Variants in BRD1 observed in about 807,000 individuals in gnomAD.
The protein encoded by BRD1 is bromodomain containing 1.
A neutral mutation model predicts 107.7 loss-of-function variants in BRD1; 24 were observed. The ratio of observed to expected loss-of-function variants is 0.22; its 90% confidence interval spans 0.16 to 0.31. The LOEUF (loss-of-function observed/expected upper bound fraction) is 0.31, where lower values mean the gene tolerates loss of function less well. BRD1 is among the 10% of genes least tolerant of loss of function. The pLI is 1.00. For synonymous variants in BRD1, 744 were observed against 686.1 expected (o/e 1.08, Z -1.32); for missense variants, 1,279 against 1,638.6 (o/e 0.78, Z 3.79).
At chr22:49,775,565 C>T in intron 12 of BRD1, 26 bp downstream of exon 12, 1 of 1,466,020 alleles carries the variant, frequency 6.8e-7, no homozygotes, top group Non-Finnish European at 9.1e-7. Context: ...CAGCCGGTCC[C>T]CGGAGTCTAA....
At position 49,822,944 on chromosome 22, in the gene BRD1, C is replaced by T. The variant is rs1042552449; in HGVS notation, c.1367+7G>A. The stretch of plus-strand genomic sequence containing the variant: ...TCCTTGTGGACTCAATGCTTGGACA[C>T]GCTTACCTCTGCGGGGGAATATAAG... On this transcript the variant is annotated splice_region_variant and intron_variant, in intron 2 of 12. Coordinates refer to ENST00000404760, the MANE Select transcript of BRD1 (RefSeq NM_001304808.3). The T allele has an allele frequency of 1.2e-5, 19 of 1,612,824 alleles. No homozygotes were observed. Among genetic ancestry groups the T allele is most frequent in the African/African-American group, 2.7e-5 (2 of 74,810 alleles).
chr22:49,776,649 C>G (rs2059105073), intron 10 of BRD1, among the ~76,000 whole-genome samples: 1 of 152,342 alleles, frequency 6.6e-6, no homozygotes, highest in South Asian at 2.1e-4. Context: ...GACCCCAAAC[C>G]CTGGGGCCTC....
chr22:49,808,493 T>TAGA (rs1341374961), intron 2 of BRD1, among the ~76,000 whole-genome samples: 2 of 151,692 alleles, frequency 1.3e-5, no homozygotes, highest in East Asian at 3.9e-4. Flanking sequence ...AGACAGGGAG[T>TAGA]AGAACGGTGA....
intron 2 of BRD1, among the ~76,000 whole-genome samples, chr22:49,813,869 C>T (rs1263769784): frequency 6.6e-6 from 1 of 151,286 alleles, no homozygotes; most frequent in Non-Finnish European, 1.5e-5. Flanking sequence ...AGAGGAAATA[C>T]AGGGAGCAGC....
intron 7 of BRD1, among the ~76,000 whole-genome samples, chr22:49,791,869 A>G (rs1159937123): frequency 1.3e-5 from 2 of 152,158 alleles, no homozygotes; most frequent in African/African-American, 4.8e-5. Flanking sequence ...CAATTGAGTC[A>G]TTGTGAACAT....
rs964823149 is a variant in BRD1 at position 49,783,697 on chromosome 22, C to A, written c.2857+3693G>T. Among the ~76,000 whole-genome samples the A allele has an allele frequency of 2.2e-5, 3 of 134,944 alleles. No homozygotes were observed. The highest frequency in any genetic ancestry group is 8.2e-5 in the African/African-American group (3 of 36,654). 88.5% of individuals were successfully genotyped at this position (134,944 alleles called of 152,430 possible). ...CATCCCGCCAGCTCCAGGCGTGCACCGGGCGCCAGCACCATTCCCACTGCC... is the reference window on the plus strand; with the variant it reads ...CATCCCGCCAGCTCCAGGCGTGCACAGGGCGCCAGCACCATTCCCACTGCC... On this transcript the variant is annotated intron_variant, in intron 8 of 12. Transcript: ENST00000404760. The surrounding 1 kb of genome is among the most constrained non-coding windows in gnomAD (Gnocchi z 4.2).
chr22:49,798,701 C>T lies in BRD1; in HGVS notation c.1657-15G>A. 6.3e-7 allele frequency: 1 copy of T among 1,583,364 alleles called. No individual in the cohort carries two copies. Among genetic ancestry groups the T allele is most frequent in the Admixed American group, 1.8e-5 (1 of 56,374 alleles). ...TCCACCTTCACCTGGGGGGGCCCAG[C>T]AGAGCCTCAGCTTTAGGGAGCCGCA... is the stretch of plus-strand genomic sequence containing the variant. On this transcript the variant is annotated splice_polypyrimidine_tract_variant and intron_variant, in intron 4 of 12. Coordinates refer to ENST00000404760, the MANE Select transcript of BRD1 (RefSeq NM_001304808.3).
rs1409686323 is a variant in BRD1, at chr22:49,773,958, TAAGA to T, written c.*271_*274del. ...AAATTATTAAACATTCAAAAGTCTT[TAAGA>T]AAAAGCTACATATCAAAGAAAGTGA... is the stretch of plus-strand genomic sequence containing the variant. On this transcript the variant is annotated 3_prime_UTR_variant, in exon 13 of 13. Transcript: ENST00000404760. 9.4e-6 allele frequency: 3 copies of T among 319,912 alleles called. No individual in the cohort carries two copies. The highest frequency in any genetic ancestry group is 1.7e-5 in the Non-Finnish European group (3 of 176,014). 19.8% of individuals were successfully genotyped at this position (319,912 alleles called of 1,614,324 possible).
intron 7 of BRD1, among the ~76,000 whole-genome samples, chr22:49,791,954 A>C (rs1569103465): frequency 6.6e-6 from 1 of 152,158 alleles, no homozygotes; most frequent in Non-Finnish European, 1.5e-5. Context: ...CCCAGAAAAA[A>C]AATAAAAATA....
rs2059205547 is a variant in BRD1, at chr22:49,781,415, AGGC to A, written c.2858-3605_2858-3603del. Reference sequence around the variant, plus strand: ...CCCCAGGGCCCACCTGGGGAGGCGGAGGCCTGCAGGTCTGACTGATGGGCCGTA... The same window carrying A: ...CCCCAGGGCCCACCTGGGGAGGCGGACTGCAGGTCTGACTGATGGGCCGTA... On this transcript the variant is annotated intron_variant, in intron 8 of 12. Coordinates refer to ENST00000404760, the MANE Select transcript of BRD1 (RefSeq NM_001304808.3). Among the ~76,000 whole-genome samples the A allele has an allele frequency of 2.0e-5, 3 of 152,190 alleles. No individual in the cohort carries two copies. In the South Asian group the frequency reaches 6.2e-4, roughly 32 times the overall value.
chr22:49,788,374 CA>C (rs200897628), intron 7 of BRD1, among the ~76,000 whole-genome samples: 33 of 151,048 alleles, frequency 2.2e-4, no homozygotes, highest in African/African-American at 8.1e-4. Flanking sequence ...AACAAACAAA[CA>C]AAAAAAACAG....
intron 2 of BRD1, among the ~76,000 whole-genome samples, chr22:49,822,423 A>G (rs1429778579): frequency 7.2e-6 from 1 of 139,824 alleles, no homozygotes; most frequent in African/African-American, 2.6e-5. Context: ...AACCCTATTT[A>G]AAAAAAAAAA....
At chr22:49,777,236 C>A (rs2059119026) in intron 9 of BRD1, 75 bp from the exon 10 acceptor site, 18 of 1,582,674 alleles carry the variant, frequency 1.1e-5, no homozygotes, top group Middle Eastern at 2.0e-4. Flanking sequence ...GTCCCGTGAG[C>A]TGTCCGCCAC....
At chr22:49,826,391 C>T (rs1018078290) in intron 1 of BRD1, 3 of 347,086 alleles carry the variant, frequency 8.6e-6, no homozygotes, top group African/African-American at 6.7e-5. Context: ...CCACGACCTC[C>T]TCTGCTTCAC....
In BRD1 at chr22:49,782,577, C is replaced by T. The variant is rs930666538; in HGVS notation, c.2858-4764G>A. Among the ~76,000 whole-genome samples the T allele has an allele frequency of 2.6e-4, 38 of 145,432 alleles. 1 individual carries two copies. Among genetic ancestry groups the T allele is most frequent in the South Asian group, 1.8e-3 (8 of 4,536 alleles). On this transcript the variant is annotated intron_variant, in intron 8 of 12. Coordinates refer to ENST00000404760, the MANE Select transcript of BRD1 (RefSeq NM_001304808.3). Reference sequence around the variant, plus strand: ...AGGCCCATCGTGCTGGGACTCGCTCCGTGACAATGCAGCTGGGATGGTCAG... The same window carrying T: ...AGGCCCATCGTGCTGGGACTCGCTCTGTGACAATGCAGCTGGGATGGTCAG...
chr22:49,802,801 C>G (rs1186236888), intron 3 of BRD1, among the ~76,000 whole-genome samples: 2 of 152,232 alleles, frequency 1.3e-5, no homozygotes, highest in African/African-American at 2.4e-5. Context: ...TTTCCAGGAG[C>G]CCTGGAGGCT....
In BRD1 at chr22:49,787,459, T is replaced by C. The variant is rs1324038474; in HGVS notation, c.2788A>G (p.Lys930Glu). The C allele has an allele frequency of 1.9e-6, 3 of 1,614,182 alleles. No homozygotes were observed. Among genetic ancestry groups the C allele is most frequent in the Non-Finnish European group, 2.5e-6 (3 of 1,180,034 alleles). Reference protein sequence around the residue: ...PRLETLLQPRKRSRSTCGDSE... With the variant: ...PRLETLLQPRERSRSTCGDSE... Reference sequence around the variant, plus strand: ...TCTCCGCATGTGCTCCGCGACCTTTTCCTTGGCTGCAGAAGAGTCTCCAAC... The same window carrying C: ...TCTCCGCATGTGCTCCGCGACCTTTCCCTTGGCTGCAGAAGAGTCTCCAAC... Residue 930 changes from lysine to glutamate, a missense_variant, in exon 8 of 13, where the codon AAA becomes GAA. Coordinates refer to ENST00000404760, the MANE Select transcript of BRD1 (RefSeq NM_001304808.3).
intron 3 of BRD1, among the ~76,000 whole-genome samples, chr22:49,799,612 C>T (rs1408911081): frequency 6.6e-6 from 1 of 152,212 alleles, no homozygotes; most frequent in Admixed American, 6.5e-5. Context: ...GGCACACAGC[C>T]GACCTGCTGC....
Position 49,794,274 on chromosome 22 carries a change from C to T in BRD1, c.2119G>A (p.Ala707Thr), listed in dbSNP as rs745528936. 1.4e-5 allele frequency: 22 copies of T among 1,611,600 alleles called. No homozygotes were observed. The highest frequency in any genetic ancestry group is 1.6e-4 in the Middle Eastern group (1 of 6,062). The change falls in exon 7 of 13, where the codon GCC (alanine) becomes ACC (threonine). Residue 707 changes from alanine to threonine, a missense_variant. Transcript: ENST00000404760. ...TCCAGGCCCAGGTGGGCTCTGTTGGCGGGGTCCAGCAACCTGTCCACTGAA... is the reference window on the plus strand; with the variant it reads ...TCCAGGCCCAGGTGGGCTCTGTTGGTGGGGTCCAGCAACCTGTCCACTGAA... The part of the protein sequence containing the change: ...WEDVDRLLDP[A>T]NRAHLGLEEQ...
Sources: allele counts gnomAD v4.1 joint callset (sites outside exome capture counted in the v4.1 genomes callset), GRCh38; gene constraint gnomAD v4.1.1; non-coding constraint Gnocchi (gnomAD v3.1); transcripts MANE v1.5; gene names NCBI Gene and HGNC (gene_info 2026-07-23, HGNC 2026-07-21).